The following IGSF5 variants were observed in gnomAD, a reference collection of about 807,000 sequenced individuals.
IGSF5 encodes the protein immunoglobulin superfamily member 5.
In IGSF5, 41 loss-of-function variants were observed where a neutral mutation model predicts 39.4. The observed-to-expected ratio is 1.04, with a 90% CI of 0.81 to 1.35. The LOEUF is 1.35. IGSF5 is among the 40% of genes most tolerant of loss of function. The pLI is 0.00. For synonymous variants in IGSF5, 183 were observed against 175.3 expected (o/e 1.04, Z -0.34); for missense variants, 487 against 494.6 (o/e 0.98, Z 0.15).
At chr21:39,764,289 G>A (rs1436458734) in intron 2 of IGSF5, among the ~76,000 whole-genome samples, 3 of 152,266 alleles carry the variant, frequency 2.0e-5, no homozygotes, top group East Asian at 3.9e-4. Context: ...TGTGTCCAAC[G>A]GTGTGATTCC....
At chr21:39,776,649 GC>G (rs1219379966) in intron 4 of IGSF5, among the ~76,000 whole-genome samples, 2 of 152,148 alleles carry the variant, frequency 1.3e-5, no homozygotes, top group Non-Finnish European at 2.9e-5. Context: ...AATAAGGCAG[GC>G]CCTCTCTGTC....
chr21:39,742,011 T>C (rs562414105), upstream of IGSF5, among the ~76,000 whole-genome samples: 41 of 152,154 alleles, frequency 2.7e-4, no homozygotes, highest in African/African-American at 8.9e-4. Flanking sequence ...TTGGAGTCTT[T>C]GTTGGGCCTC....
At chr21:39,793,715 A>G in intron 8 of IGSF5, 102 bp downstream of exon 8, 6 of 910,340 alleles carry the variant, frequency 6.6e-6, no homozygotes, top group Admixed American at 2.0e-5. Context: ...TGTATTCATG[A>G]TGGTGGCATG....
upstream of IGSF5, among the ~76,000 whole-genome samples, chr21:39,743,425 A>T (rs2079956310): frequency 6.6e-6 from 1 of 152,232 alleles, no homozygotes. Flanking sequence ...CTGAGAATTT[A>T]CCTAGGTCTA....
upstream of IGSF5, among the ~76,000 whole-genome samples, chr21:39,743,443 T>C (rs201509491): frequency 7.4e-6 from 1 of 135,972 alleles, no homozygotes; most frequent in Non-Finnish European, 1.6e-5. Context: ...CTATTTTAAT[T>C]TGCTTTAAGT....
chr21:39,766,496 C>T (rs958116228), intron 3 of IGSF5, among the ~76,000 whole-genome samples: 5 of 152,112 alleles, frequency 3.3e-5, no homozygotes, highest in African/African-American at 1.2e-4. Flanking sequence ...CAGAATCCCC[C>T]CAACTTATTT....
Position 39,792,015 on chromosome 21 carries a change from G to GA in IGSF5, c.969dup (p.Glu324ArgfsTer8). The stretch of plus-strand genomic sequence containing the variant: ...AAAATGGTCTAATTGTAGGAAATCT[G>GA]AAAAAGAGAAGACAAACAAAGAAAC... On this transcript the variant is annotated frameshift_variant, in exon 7 of 9. Transcript: ENST00000380588. LOFTEE classifies it high-confidence loss of function. 2 of 1,605,184 alleles carry GA rather than the reference G, an allele frequency of 1.2e-6. No individual in the cohort carries two copies. Among genetic ancestry groups the GA allele is most frequent in the Non-Finnish European group, 1.7e-6 (2 of 1,174,784 alleles).
At chr21:39,779,608 T>A (rs1403602460) in intron 5 of IGSF5, among the ~76,000 whole-genome samples, 2 of 152,228 alleles carry the variant, frequency 1.3e-5, no homozygotes, top group African/African-American at 2.4e-5. Flanking sequence ...ATTTCCACGT[T>A]CATTACATCA....
At chr21:39,774,119 A>C (rs8127368) in intron 4 of IGSF5, among the ~76,000 whole-genome samples, 21,928 of 152,202 alleles carry the variant, frequency 0.14, 2,149 homozygotes, top group African/African-American at 0.28. Context: ...CATTTGGAAC[A>C]GGGTAATTTG....
chr21:39,762,929 CT>C (rs1349592882), intron 2 of IGSF5, among the ~76,000 whole-genome samples: 1 of 152,118 alleles, frequency 6.6e-6, no homozygotes, highest in Non-Finnish European at 1.5e-5. Flanking sequence ...AGACATTGAT[CT>C]TTCCCAGTGC....
intron 8 of IGSF5, among the ~76,000 whole-genome samples, chr21:39,798,823 C>T (rs1283069442): frequency 6.6e-6 from 1 of 152,232 alleles, no homozygotes; most frequent in Non-Finnish European, 1.5e-5. Context: ...CGGAGATGAG[C>T]AAGACAAGAT....
At chr21:39,741,209 TG>T (rs1569244312), upstream of IGSF5, among the ~76,000 whole-genome samples, 1 of 152,224 alleles carries the variant, frequency 6.6e-6, no homozygotes, top group Non-Finnish European at 1.5e-5. Flanking sequence ...AAGCTGCTTC[TG>T]CTTCAGGTGT....
chr21:39,750,693 ACTTACTC>A (rs1329362613), intron 2 of IGSF5, among the ~76,000 whole-genome samples: 1 of 152,084 alleles, frequency 6.6e-6, no homozygotes, highest in African/African-American at 2.4e-5. Context: ...TGGAAGCCAC[ACTTACTC>A]CTAATGGCTG....
upstream of IGSF5, among the ~76,000 whole-genome samples, chr21:39,741,627 G>A (rs1030568161): frequency 3.3e-5 from 5 of 152,230 alleles, no homozygotes; most frequent in Non-Finnish European, 7.3e-5. Context: ...CAAGTCTTGG[G>A]CTAATGCCTG....
chr21:39,801,439 C>A lies in IGSF5; in HGVS notation c.*82C>A, dbSNP rs2087028907. On this transcript the variant is annotated 3_prime_UTR_variant, in exon 9 of 9. Coordinates refer to ENST00000380588, the MANE Select transcript of IGSF5 (RefSeq NM_001080444.2). ...GGCATCCTTCCTTTCCATCCTAAGA[C>A]TGGCCTGCAGCTTTGCCAACATTAC... 2 of 1,000,842 alleles carry A rather than the reference C, an allele frequency of 2.0e-6. No homozygotes were observed. Among genetic ancestry groups the A allele is most frequent in the Non-Finnish European group, 3.1e-6 (2 of 645,712 alleles). The allele number at this position is 1,000,842 out of a possible 1,614,324, so 62.0% of individuals were successfully genotyped here. A position where few individuals can be genotyped will look rare whatever the true frequency, so the allele number is the denominator to read the frequency against.
At chr21:39,770,737 C>T (rs922224544) in intron 3 of IGSF5, among the ~76,000 whole-genome samples, 179 bp from the exon 4 acceptor site, 1 of 151,494 alleles carries the variant, frequency 6.6e-6, no homozygotes, top group African/African-American at 2.4e-5. Flanking sequence ...AAAAAAGACC[C>T]AGATAAAATC....
chr21:39,762,489 C>T (rs2080066115), intron 2 of IGSF5, among the ~76,000 whole-genome samples: 1 of 152,026 alleles, frequency 6.6e-6, no homozygotes, highest in Admixed American at 6.5e-5. Context: ...GTTGTGGCGA[C>T]CAGGGTTCCG....
the IGSF5 span, among the ~76,000 whole-genome samples, chr21:39,715,974 C>T: frequency 6.6e-6 from 1 of 152,182 alleles, no homozygotes; most frequent in African/African-American, 2.4e-5. Context: ...TTCAGTATAT[C>T]ACCCTGCAGT....
At chr21:39,796,278 G>A (rs972551116) in intron 8 of IGSF5, among the ~76,000 whole-genome samples, 3 of 152,142 alleles carry the variant, frequency 2.0e-5, no homozygotes, top group Non-Finnish European at 4.4e-5. Flanking sequence ...AAGCAGTCAG[G>A]GTGACGCTGG....
Sources: gnomAD v4.1 joint callset for allele counts (sites outside exome capture counted in the v4.1 genomes callset) on GRCh38, gnomAD v4.1.1 for gene constraint, MANE v1.5 for transcripts, NCBI Gene and HGNC (gene_info 2026-07-23, HGNC 2026-07-21) for gene names.